The following GPM6B variants were observed in gnomAD, a reference collection of about 807,000 sequenced individuals.
GPM6B encodes glycoprotein M6B, also known as neuronal membrane glycoprotein M6-b.
GPM6B carries 4 observed loss-of-function variants against 27.2 expected under a neutral mutation model. The ratio of observed to expected loss-of-function variants is 0.15; its 90% CI spans 0.07 to 0.34. The LOEUF (loss-of-function observed/expected upper bound fraction) is 0.34, where lower values mean the gene tolerates loss of function less well. Ranked by LOEUF, GPM6B falls within the 10% of genes least tolerant of loss-of-function variation. The probability of loss-of-function intolerance (pLI) is 1.00; values close to 1 mark genes in which losing one functional copy is unlikely to be tolerated. For missense variants in GPM6B, 183 were observed against 261.9 expected (o/e 0.70, Z 2.08); for synonymous variants, 124 against 103.1 (o/e 1.20, Z -1.23).
intron 2 of GPM6B, among the ~76,000 whole-genome samples, chrX:13,789,689 G>A (rs1481006755): frequency 9.0e-6 from 1 of 111,311 alleles, no homozygotes; most frequent in Non-Finnish European, 1.9e-5. Context: ...GCAGGAGAAT[G>A]GCGTGAACCC....
chrX:13,913,635 T>C (rs949532806), intron 1 of GPM6B, among the ~76,000 whole-genome samples: 2 of 112,055 alleles, frequency 1.8e-5, no homozygotes, highest in African/African-American at 3.2e-5. Context: ...CCATAAACAG[T>C]TGGGTATCTT....
chrX:13,898,247 C>T (rs188979408), intron 1 of GPM6B, among the ~76,000 whole-genome samples: 29 of 112,134 alleles, frequency 2.6e-4, no homozygotes, highest in African/African-American at 9.1e-4. Context: ...CTGGCCTCCA[C>T]CCACTAGATG....
intron 1 of GPM6B, among the ~76,000 whole-genome samples, chrX:13,918,605 G>A (rs751300805): frequency 8.0e-5 from 9 of 111,960 alleles, no homozygotes; most frequent in African/African-American, 2.3e-4. Flanking sequence ...GAAAACACCC[G>A]AGATTGGGTA....
intron 1 of GPM6B, among the ~76,000 whole-genome samples, chrX:13,877,254 C>A (rs762459790): frequency 8.9e-6 from 1 of 111,966 alleles, no homozygotes; most frequent in South Asian, 3.8e-4. Flanking sequence ...ACAAACCTAA[C>A]AAGATCCCAG....
chrX:13,863,820 G>T (rs1325856873), intron 1 of GPM6B, among the ~76,000 whole-genome samples: 1 of 112,367 alleles, frequency 8.9e-6, no homozygotes, highest in East Asian at 2.8e-4. Context: ...AAACAACAAA[G>T]AAATAATTTC....
intron 1 of GPM6B, among the ~76,000 whole-genome samples, chrX:13,861,248 T>C (rs1162552090): frequency 9.0e-6 from 1 of 111,018 alleles, no homozygotes; most frequent in Non-Finnish European, 1.9e-5. Context: ...ACTTTTGCAA[T>C]TGCAAACTGT....
chrX:13,892,173 T>C (rs955568317), intron 1 of GPM6B, among the ~76,000 whole-genome samples: 91 of 111,971 alleles, frequency 8.1e-4, no homozygotes, highest in African/African-American at 2.9e-3. Flanking sequence ...TGGAAATCCC[T>C]TTCTCAAGGA....
intron 1 of GPM6B, among the ~76,000 whole-genome samples, chrX:13,855,637 G>A (rs967919872): frequency 8.9e-6 from 1 of 111,984 alleles, no homozygotes; most frequent in Admixed American, 9.5e-5. Flanking sequence ...AATAATCAGT[G>A]TACGGTCAAG....
chrX:13,877,153 A>G (rs187614645), intron 1 of GPM6B, among the ~76,000 whole-genome samples: 2 of 111,693 alleles, frequency 1.8e-5, no homozygotes, highest in South Asian at 7.6e-4. Context: ...AGATGATTAG[A>G]GCAGCTCTCA....
intron 1 of GPM6B, among the ~76,000 whole-genome samples, chrX:13,906,675 G>T (rs1011825341): frequency 8.9e-6 from 1 of 111,989 alleles, no homozygotes; most frequent in African/African-American, 3.2e-5. Context: ...ATTTTTATGG[G>T]TTTTAAAAGA....
chrX:13,775,784 G>A (rs147833656), intron 7 of GPM6B, among the ~76,000 whole-genome samples: 33 of 112,421 alleles, frequency 2.9e-4, no homozygotes, highest in Non-Finnish European at 5.1e-4. Flanking sequence ...TCCAGCATTC[G>A]CTAATTCATT....
At chrX:13,873,135 T>C (rs1227183602) in intron 1 of GPM6B, among the ~76,000 whole-genome samples, 9 of 78,886 alleles carry the variant, frequency 1.1e-4, no homozygotes, top group African/African-American at 4.3e-4. Flanking sequence ...CTGATTCCCA[T>C]GGAGAATAGC....
chrX:13,799,102 C>T (rs1385512827), intron 2 of GPM6B, among the ~76,000 whole-genome samples: 3 of 109,635 alleles, frequency 2.7e-5, no homozygotes, highest in Non-Finnish European at 5.7e-5. Flanking sequence ...GAAGCTCAGG[C>T]TGAGAACTTC....
intron 7 of GPM6B, among the ~76,000 whole-genome samples, chrX:13,775,638 A>G (rs2048398921): frequency 8.9e-6 from 1 of 112,067 alleles, no homozygotes; most frequent in African/African-American, 3.3e-5. Context: ...AATATTAAGG[A>G]ATCAACAATA....
intron 1 of GPM6B, among the ~76,000 whole-genome samples, chrX:13,934,120 A>G (rs1158559533): frequency 9.0e-6 from 1 of 110,871 alleles, no homozygotes; most frequent in Non-Finnish European, 1.9e-5. Flanking sequence ...GAGCAAAAAT[A>G]TAATAAAGAA....
At chrX:13,931,740 T>C (rs1233293615) in intron 1 of GPM6B, among the ~76,000 whole-genome samples, 2 of 111,692 alleles carry the variant, frequency 1.8e-5, no homozygotes, top group Non-Finnish European at 3.8e-5. Context: ...CAACTAAAAT[T>C]CATTACTCCC....
chrX:13,886,498 G>A lies in GPM6B; in HGVS notation c.-198+51829C>T, dbSNP rs149635692. Among the ~76,000 whole-genome samples, 482 of 108,576 alleles carry A rather than the reference G, an allele frequency of 4.4e-3. 2 individuals carry two copies. The highest frequency in any genetic ancestry group is 0.015 in the African/African-American group (449 of 29,572). 94.3% of individuals were successfully genotyped at this position (108,576 alleles called of 115,157 possible). ...CTATGGACATTACAGGGCATGGAAG[G>A]GATAGAGTCCCTATATAATCCCAGT... is the stretch of plus-strand genomic sequence containing the variant. On this transcript the variant is annotated intron_variant, in intron 1 of 6. Transcript: ENST00000398361.
At chrX:13,805,157 A>T (rs2048999681) in intron 2 of GPM6B, among the ~76,000 whole-genome samples, 1 of 112,196 alleles carries the variant, frequency 8.9e-6, no homozygotes, top group South Asian at 3.7e-4. Context: ...TTTAAATCAA[A>T]TTCAGTGATT....
At chrX:13,777,636 A>G (rs906952042) in intron 5 of GPM6B, among the ~76,000 whole-genome samples, 2 of 112,555 alleles carry the variant, frequency 1.8e-5, no homozygotes, top group Non-Finnish European at 3.7e-5. Flanking sequence ...AGTCCATAAG[A>G]GATTTAAACA....
Sources: gnomAD v4.1 joint callset for allele counts (sites outside exome capture counted in the v4.1 genomes callset) on GRCh38, gnomAD v4.1.1 for gene constraint, MANE v1.5 for transcripts, NCBI Gene and HGNC (gene_info 2026-07-23, HGNC 2026-07-21) for gene names.